MIR2052HG: variants seen among roughly 807,000 people sequenced by gnomAD.
MIR2052HG encodes the protein MIR2052 host gene.
intron 1 of MIR2052HG, chr8:74,603,547 CCTG>C: frequency 6.6e-7 from 1 of 1,519,928 alleles, no homozygotes; most frequent in South Asian, 1.1e-5. Flanking sequence ...TGTATCCAAA[CCTG>C]CACTGAATCC....
intron 1 of MIR2052HG, among the ~76,000 whole-genome samples, chr8:74,600,829 CT>C (rs1187365270): frequency 6.6e-6 from 1 of 152,072 alleles, no homozygotes; most frequent in Non-Finnish European, 1.5e-5. Context: ...CAGCCTGAGC[CT>C]CCCAAAGTGC....
chr8:74,605,928 G>T (rs377622658), intron 1 of MIR2052HG, among the ~76,000 whole-genome samples: 1 of 152,192 alleles, frequency 6.6e-6, no homozygotes, highest in Non-Finnish European at 1.5e-5. Flanking sequence ...GACAAATTAA[G>T]AGTCTGTTGA....
chr8:74,611,626 G>T (rs970149920), intron 1 of MIR2052HG, among the ~76,000 whole-genome samples: 5 of 152,264 alleles, frequency 3.3e-5, no homozygotes, highest in African/African-American at 1.2e-4. Context: ...TAGACAAGGA[G>T]AATTATATAA....
intron 4 of MIR2052HG, among the ~76,000 whole-genome samples, chr8:74,725,904 ACAGT>A (rs1809630712): frequency 6.6e-6 from 1 of 151,390 alleles, no homozygotes; most frequent in Non-Finnish European, 1.5e-5. Context: ...GGGAAAAAAA[ACAGT>A]CAGCTACTGT....
chr8:74,675,080 C>T (rs1433464617), intron 2 of MIR2052HG, among the ~76,000 whole-genome samples: 15 of 151,970 alleles, frequency 9.9e-5, no homozygotes, highest in African/African-American at 2.2e-4. Flanking sequence ...CTGAAAACCT[C>T]GTATGTACCA....
intron 4 of MIR2052HG, among the ~76,000 whole-genome samples, chr8:74,744,244 A>T (rs1809859416): frequency 1.3e-5 from 2 of 151,036 alleles, no homozygotes; most frequent in East Asian, 1.9e-4. Context: ...CTTTTTTTAA[A>T]TTTTTTTATT....
intron 1 of MIR2052HG, among the ~76,000 whole-genome samples, chr8:74,602,877 T>TTTCTTTCTTTTCTTTCTTTCTTTCTTTC (rs1808041801): frequency 3.7e-5 from 2 of 53,792 alleles, no homozygotes; most frequent in Admixed American, 1.8e-4. Flanking sequence ...TTCTTTCTTT[T>TTTCTTTCTTTTCTTTCTTTCTTTCTTTC]TTCTATTCAC....
rs533136077 is a variant in MIR2052HG, at chr8:74,751,975, C to T, written n.372-466C>T. 4.1e-4 allele frequency among the ~76,000 whole-genome samples: 63 copies of T among 152,194 alleles called. 1 individual carries two copies. The South Asian group carries it at 0.012, about 30-fold the overall frequency. On this transcript the variant is annotated intron_variant and non_coding_transcript_variant, in intron 4 of 6. Transcript: ENST00000523442. The stretch of plus-strand genomic sequence containing the variant: ...GCAATCCAAATACATTGTCAGCAGA[C>T]TTTTCAAAAACTGCTATTAAAAACA...
At chr8:74,746,968 A>T (rs975788354) in intron 4 of MIR2052HG, among the ~76,000 whole-genome samples, 1 of 152,200 alleles carries the variant, frequency 6.6e-6, no homozygotes, top group Non-Finnish European at 1.5e-5. Context: ...AAGCCCCCTT[A>T]TATGAATTTG....
chr8:74,648,840 A>G (rs115366301), intron 2 of MIR2052HG, among the ~76,000 whole-genome samples: 1,693 of 152,314 alleles, frequency 0.011, 24 homozygotes, highest in African/African-American at 0.038. Flanking sequence ...TAAGTGTTTA[A>G]AAAAGATAAT....
rs1377104990 is a variant in MIR2052HG at position 74,714,707 on chromosome 8, T to G, written n.371+11025T>G. Among the ~76,000 whole-genome samples the G allele has an allele frequency of 2.0e-5, 3 of 150,438 alleles. No homozygotes were observed. The South Asian group carries it at 6.3e-4, about 31-fold the overall frequency. On this transcript the variant is annotated intron_variant and non_coding_transcript_variant, in intron 4 of 6. Transcript: ENST00000523442. The stretch of plus-strand genomic sequence containing the variant: ...GACCTCCTTTTTCCTTCTTTTTTTT[T>G]TTTTTTTTTTGTTTTTTTGAGACAG...
intron 1 of MIR2052HG, among the ~76,000 whole-genome samples, chr8:74,603,061 A>C (rs1201316566): frequency 1.4e-5 from 2 of 144,586 alleles, no homozygotes; most frequent in African/African-American, 2.5e-5. Context: ...AAAAAATCCC[A>C]GGTAGAAGCT....
chr8:74,646,967 A>G (rs919642877), intron 2 of MIR2052HG, among the ~76,000 whole-genome samples: 1 of 151,978 alleles, frequency 6.6e-6, no homozygotes, highest in African/African-American at 2.4e-5. Context: ...CAATAAATAG[A>G]TCATAATCAA....
chr8:74,636,370 T>G (rs1248731707), intron 2 of MIR2052HG, among the ~76,000 whole-genome samples: 1 of 152,148 alleles, frequency 6.6e-6, no homozygotes, highest in African/African-American at 2.4e-5. Context: ...ACATTTTTTC[T>G]CGGAAAACAG....
intron 2 of MIR2052HG, among the ~76,000 whole-genome samples, chr8:74,639,863 A>G (rs977411230): frequency 2.0e-4 from 31 of 152,126 alleles, no homozygotes; most frequent in East Asian, 1.9e-4. Flanking sequence ...GCTGATGTGG[A>G]CATTTGTATC....
intron 2 of MIR2052HG, among the ~76,000 whole-genome samples, chr8:74,701,922 A>G (rs1435068758): frequency 6.6e-6 from 1 of 152,124 alleles, no homozygotes; most frequent in Non-Finnish European, 1.5e-5. Context: ...CAAAACAACT[A>G]ATTACCACTT....
intron 4 of MIR2052HG, among the ~76,000 whole-genome samples, chr8:74,725,131 A>T (rs934262995): frequency 6.6e-6 from 1 of 152,366 alleles, no homozygotes; most frequent in African/African-American, 2.4e-5. Flanking sequence ...AGGGAAAAAA[A>T]GGTATTAAAA....
At chr8:74,733,361 T>C (rs994023253) in intron 4 of MIR2052HG, among the ~76,000 whole-genome samples, 33 of 152,204 alleles carry the variant, frequency 2.2e-4, no homozygotes, top group Non-Finnish European at 4.6e-4. Context: ...GACAGTTTAC[T>C]GAGAATGATG....
intron 4 of MIR2052HG, among the ~76,000 whole-genome samples, chr8:74,743,094 C>T (rs1809848953): frequency 6.6e-6 from 1 of 151,364 alleles, no homozygotes; most frequent in Admixed American, 6.6e-5. Context: ...AACAAAAAAA[C>T]ACCAAAAAAC....
Sources: gnomAD v4.1 joint callset for allele counts (sites outside exome capture counted in the v4.1 genomes callset) on GRCh38, gnomAD v4.1.1 for gene constraint, MANE v1.5 for transcripts, NCBI Gene and HGNC (gene_info 2026-07-23, HGNC 2026-07-21) for gene names.